TCF3: variants seen among roughly 807,000 people sequenced by gnomAD.
TCF3 encodes the protein transcription factor E2-alpha.
In TCF3, 54 loss-of-function variants were observed where a neutral mutation model predicts 72.3. That is an observed-to-expected ratio of 0.75 (90% CI 0.60 to 0.94). The LOEUF is 0.94. TCF3 is among the 40% of genes least tolerant of loss of function. TCF3 has a pLI of 0.00. For missense variants in TCF3, 1,078 were observed against 934.4 expected (o/e 1.15, Z -2.00); for synonymous variants, 525 against 412.6 (o/e 1.27, Z -3.30).
Position 1,625,583 on chromosome 19 carries a change from G to A in TCF3, c.492C>T (p.Gly164=). 1 of 1,583,726 alleles carries A rather than the reference G, an allele frequency of 6.3e-7. No homozygotes were observed. Among genetic ancestry groups the A allele is most frequent in the Non-Finnish European group, 8.6e-7 (1 of 1,168,024 alleles). ...SGSSRRRAAD[G]SLDTQPKKVR... ...CGGCCAGACCCCGCTCACCTAGGCT[G>A]CCGTCTGCCGCTCTCCGCCGGGAGC... Residue 164 remains glycine (G), a synonymous_variant, in exon 7 of 19, where the codon GGC becomes GGT. Transcript: ENST00000262965.
intron 7 of TCF3, among the ~76,000 whole-genome samples, chr19:1,624,558 C>A (rs1302360975): frequency 6.6e-6 from 1 of 152,184 alleles, no homozygotes; most frequent in Non-Finnish European, 1.5e-5. Context: ...AGCCCCTTGG[C>A]CCCACCCTCC....
chr19:1,624,041 G>A, intron 7 of TCF3, 41 bp from the exon 8 acceptor site: 1 of 1,600,228 alleles, frequency 6.2e-7, no homozygotes, highest in Non-Finnish European at 8.6e-7. Flanking sequence ...CACCGGCCAT[G>A]AGAACAACCC....
At chr19:1,632,650 C>T (rs1313177691) in intron 3 of TCF3, among the ~76,000 whole-genome samples, 6 of 152,278 alleles carry the variant, frequency 3.9e-5, no homozygotes, top group Non-Finnish European at 7.4e-5. Flanking sequence ...TCTCTGCTGG[C>T]CAACTCCTAC....
intron 11 of TCF3, 23 bp from the exon 12 acceptor site, chr19:1,621,214 C>G: frequency 6.5e-7 from 1 of 1,531,472 alleles, no homozygotes; most frequent in Non-Finnish European, 8.7e-7. Flanking sequence ...AGAGGTGAGG[C>G]CCACGCAGCC....
intron 3 of TCF3, among the ~76,000 whole-genome samples, chr19:1,641,547 G>A (rs1375423789): frequency 6.6e-6 from 1 of 152,100 alleles, no homozygotes; most frequent in Non-Finnish European, 1.5e-5. Flanking sequence ...CCGCCTCCCA[G>A]GTTCAAGTGC....
intron 1 of TCF3, chr19:1,651,494 A>C (rs986248170): frequency 8.9e-6 from 2 of 223,548 alleles, no homozygotes; most frequent in African/African-American, 4.5e-5. Flanking sequence ...GGGGTAGCTG[A>C]AACCGATTTT....
At chr19:1,630,709 G>A (rs1042726546) in intron 5 of TCF3, among the ~76,000 whole-genome samples, 1 of 151,124 alleles carries the variant, frequency 6.6e-6, no homozygotes, top group Non-Finnish European at 1.5e-5. Flanking sequence ...GATGACTGAG[G>A]GATGAAACCA....
chr19:1,629,564 C>A (rs769664933), intron 5 of TCF3, among the ~76,000 whole-genome samples: 2 of 151,802 alleles, frequency 1.3e-5, no homozygotes, highest in African/African-American at 2.4e-5. Flanking sequence ...GCCTGGGCTA[C>A]GGAGGAGGAC....
At chr19:1,620,684 C>T (rs541763961) in intron 13 of TCF3, among the ~76,000 whole-genome samples, 83 of 152,274 alleles carry the variant, frequency 5.5e-4, no homozygotes, top group Middle Eastern at 3.4e-3. Flanking sequence ...TGTGCTATAG[C>T]CTTGGAGGGC....
chr19:1,615,352 G>A lies in TCF3; in HGVS notation c.1755C>T (p.Pro585=), dbSNP rs376005041. 1 of 1,613,568 alleles carries A rather than the reference G, an allele frequency of 6.2e-7. No individual in the cohort carries two copies. The highest frequency in any genetic ancestry group is 1.7e-5 in the Admixed American group (1 of 59,984). ...MCQLHLNSEK[P]QTKLLILHQA... The stretch of plus-strand genomic sequence containing the variant: ...GGTGCAGGATGAGCAGTTTGGTCTG[G>A]GGCTTCTCGCTGTTGAGGTGCAGTT... Residue 585 remains proline (P), a synonymous_variant, in exon 18 of 19, where the codon CCC becomes CCT. Coordinates refer to ENST00000262965, the MANE Select transcript of TCF3 (RefSeq NM_003200.5). The surrounding 1 kb of genome is among the most constrained non-coding windows in gnomAD (Gnocchi z 7.3).
At position 1,614,392 on chromosome 19, in the gene TCF3, G is replaced by A. The variant is rs111915628; in HGVS notation, c.1822+893C>T. ...AACGCCCTGAGGTTGCAGCCCAGCC[G>A]CTCCCGGTGCTCGGGCAGCAAGTGC... On this transcript the variant is annotated intron_variant, in intron 18 of 18. Transcript: ENST00000262965. This position sits in a 1 kb window ranked among gnomAD's most constrained non-coding sequence, Gnocchi z 5.6. Among the ~76,000 whole-genome samples the A allele has an allele frequency of 3.9e-5, 6 of 152,336 alleles. No individual in the cohort carries two copies. Among genetic ancestry groups the A allele is most frequent in the African/African-American group, 1.4e-4 (6 of 41,572 alleles).
At chr19:1,641,094 G>A (rs1034154834) in intron 3 of TCF3, among the ~76,000 whole-genome samples, 2 of 151,310 alleles carry the variant, frequency 1.3e-5, no homozygotes, top group Admixed American at 6.6e-5. Context: ...AGGCGGAGGC[G>A]GAGGTTGCAG....
At chr19:1,619,542 C>T (rs1182471853) in intron 14 of TCF3, 68 bp from the exon 15 acceptor site, 17 of 1,511,982 alleles carry the variant, frequency 1.1e-5, no homozygotes, top group Admixed American at 8.2e-5. Context: ...CATTCATGTC[C>T]CTTCCGCATG....
chr19:1,609,865 C>T lies in TCF3; in HGVS notation c.*1842G>A. ...CTCCTGGGGGTAACGGTGGGAGTCTCAGGAGTGGCACGGGGGGAGACGCCC... is the reference window on the plus strand; with the variant it reads ...CTCCTGGGGGTAACGGTGGGAGTCTTAGGAGTGGCACGGGGGGAGACGCCC... On this transcript the variant is annotated 3_prime_UTR_variant, in exon 19 of 19. Coordinates refer to ENST00000262965, the MANE Select transcript of TCF3 (RefSeq NM_003200.5). The T allele has an allele frequency of 4.3e-6, 1 of 232,410 alleles. No homozygotes were observed. Among genetic ancestry groups the T allele is most frequent in the Non-Finnish European group, 8.5e-6 (1 of 117,596 alleles). The allele number at this position is 232,410 out of a possible 1,614,324, so 14.4% of individuals were successfully genotyped here.
chr19:1,652,424 G>T lies in TCF3; in HGVS notation c.-164C>A, dbSNP rs956656007. 1.4e-5 allele frequency: 2 copies of T among 142,156 alleles called. No homozygotes were observed. The highest frequency in any genetic ancestry group is 2.1e-4 in the South Asian group (1 of 4,702). The allele number at this position is 142,156 out of a possible 1,614,324, so 8.8% of individuals were successfully genotyped here. On this transcript the variant is annotated 5_prime_UTR_variant, in exon 1 of 19. Transcript: ENST00000262965. ...AGGGTCGCGCGTGGGCGGCGGCGGC[G>T]GCGCGCGTGGCCCGGGCCCCTCCCA...
chr19:1,627,420 C>T lies in TCF3; in HGVS notation c.305G>A (p.Ser102Asn), dbSNP rs1373250998. The change falls in exon 6 of 19, where the codon AGC becomes AAC. Residue 102 changes from serine to asparagine, a missense_variant. By Grantham distance (46) the Ser-to-Asn change is conservative. Coordinates refer to ENST00000262965, the MANE Select transcript of TCF3 (RefSeq NM_003200.5). ...GGAGGCATAGGCGCCCCGCTCACCG[C>T]TCTTGCCTGCAAGGGGAGAAGGAAG... The part of the protein sequence containing the change: ...TFLGPGLGGK[S>N]GERGAYASFG... 5 of 1,611,846 alleles carry T rather than the reference C, an allele frequency of 3.1e-6. No homozygotes were observed. Among genetic ancestry groups the T allele is most frequent in the Admixed American group, 1.7e-5 (1 of 59,912 alleles).
At position 1,621,764 on chromosome 19, in the gene TCF3, GCCACCCC is replaced by G. The variant is rs1355164328; in HGVS notation, c.955+67_955+73del. 3.2e-5 allele frequency: 47 copies of G among 1,462,498 alleles called. No individual in the cohort carries two copies. The Middle Eastern group carries it at 7.4e-4, about 23-fold the overall frequency. The allele number at this position is 1,462,498 out of a possible 1,614,324, so 90.6% of individuals were successfully genotyped here. A position where few individuals can be genotyped will look rare whatever the true frequency, so the allele number is the denominator to read the frequency against. On this transcript the variant is annotated intron_variant, in intron 11 of 18. Coordinates refer to ENST00000262965, the MANE Select transcript of TCF3 (RefSeq NM_003200.5). ...CGCCTGCGCCTCCCGTGGAGTCCTCGCCACCCCCCACCCAGACCCTGCCTGGAGCCCA... is the reference window on the plus strand; with the variant it reads ...CGCCTGCGCCTCCCGTGGAGTCCTCGCCACCCAGACCCTGCCTGGAGCCCA...
intron 3 of TCF3, among the ~76,000 whole-genome samples, chr19:1,643,718 T>G (rs1316053024): frequency 6.6e-6 from 1 of 152,226 alleles, no homozygotes; most frequent in Admixed American, 6.5e-5. Flanking sequence ...TAAATATTTA[T>G]AAATATCGAA....
At chr19:1,630,167 G>A (rs2063525592) in intron 5 of TCF3, among the ~76,000 whole-genome samples, 1 of 152,172 alleles carries the variant, frequency 6.6e-6, no homozygotes, top group Non-Finnish European at 1.5e-5. Flanking sequence ...GCCCACCCTG[G>A]GGCCATCGGG....
Sources: gnomAD v4.1 joint callset for allele counts (sites outside exome capture counted in the v4.1 genomes callset) on GRCh38, gnomAD v4.1.1 for gene constraint, Gnocchi (gnomAD v3.1) non-coding constraint, MANE v1.5 for transcripts, NCBI Gene and HGNC (gene_info 2026-07-23, HGNC 2026-07-21) for gene names.